The following MAP3K9 variants were observed in gnomAD, a reference collection of about 807,000 sequenced individuals.
MAP3K9 encodes the protein mitogen-activated protein kinase kinase kinase 9, also known as mixed lineage kinase 1 (tyr and ser/thr specificity).
In MAP3K9, 46 loss-of-function variants were observed where a neutral mutation model predicts 95.8. The ratio of observed to expected loss-of-function variants is 0.48; its 90% CI spans 0.38 to 0.61. The LOEUF is 0.61. Ranked by LOEUF, MAP3K9 falls within the 20% of genes least tolerant of loss-of-function variation. The probability of loss-of-function intolerance (pLI) is 0.00; values close to 1 mark genes in which losing one functional copy is unlikely to be tolerated. For synonymous variants in MAP3K9, 533 were observed against 593.8 expected, an observed-to-expected ratio of 0.90 and a Z score of 1.49; for missense variants, 1,296 against 1,474.3, an observed-to-expected ratio of 0.88 and a Z score of 1.98.
chr14:70,768,220 T>C (rs2054483500), intron 2 of MAP3K9, among the ~76,000 whole-genome samples: 1 of 152,148 alleles, frequency 6.6e-6, no homozygotes, highest in Admixed American at 6.5e-5. Flanking sequence ...ATGATGTGAT[T>C]ATTATGCATC....
Position 70,742,581 on chromosome 14 carries a change from G to A in MAP3K9, c.1337C>T (p.Thr446Ile), listed in dbSNP as rs754574540. Residue 446 changes from threonine to isoleucine, a missense_variant, in exon 6 of 12, where the codon ACC (threonine) becomes ATC (isoleucine). By Grantham distance (89) the Thr-to-Ile change is moderately conservative (BLOSUM62 -1). Around this residue, in one of 5 missense-constraint regions of MAP3K9, gnomAD observed 377 missense variants for 417.1 expected, o/e 0.90. Transcript: ENST00000554752. ...QLRAKEKELR[T>I]WEEELTRAAL... ...AGCCCGCGTCAGCTCCTCCTCCCAG[G>A]TGCGAAGTTCCTGCAGGATGGGCAG... 7.4e-6 allele frequency: 12 copies of A among 1,613,856 alleles called. No individual in the cohort carries two copies. The highest frequency in any genetic ancestry group is 9.3e-6 in the Non-Finnish European group (11 of 1,179,944).
chr14:70,803,836 C>T (rs142405274), intron 1 of MAP3K9, among the ~76,000 whole-genome samples: 1 of 152,352 alleles, frequency 6.6e-6, no homozygotes. Context: ...CCTTCTAGCA[C>T]AAATTTCAGT....
intron 5 of MAP3K9, 53 bp downstream of exon 5, chr14:70,748,776 C>T: frequency 6.8e-7 from 1 of 1,466,472 alleles, no homozygotes; most frequent in Non-Finnish European, 9.3e-7. Flanking sequence ...CAATTCAATG[C>T]ATGCCTTTTT....
At chr14:70,793,609 A>G (rs1482397201) in intron 2 of MAP3K9, among the ~76,000 whole-genome samples, 5 of 152,220 alleles carry the variant, frequency 3.3e-5, no homozygotes, top group Non-Finnish European at 7.3e-5. Flanking sequence ...GAAAGGGAAC[A>G]TTTACATTTT....
At chr14:70,808,589 G>C (rs1323165966) in intron 1 of MAP3K9, among the ~76,000 whole-genome samples, 177 bp downstream of exon 1, 1 of 152,114 alleles carries the variant, frequency 6.6e-6, no homozygotes, top group Non-Finnish European at 1.5e-5. Context: ...GAGGCGTCTC[G>C]AGCTTATCCA....
chr14:70,796,259 C>G (rs2054863167), intron 2 of MAP3K9, among the ~76,000 whole-genome samples: 1 of 152,182 alleles, frequency 6.6e-6, no homozygotes, highest in African/African-American at 2.4e-5. Context: ...ACACATAAAT[C>G]CATTTTTATA....
At chr14:70,764,192 C>CAAAAAAAAAAACAAAAA (rs536588181) in intron 2 of MAP3K9, among the ~76,000 whole-genome samples, 1 of 29,856 alleles carries the variant, frequency 3.3e-5, no homozygotes, top group Non-Finnish European at 6.2e-5. Context: ...GACTCCGTCT[C>CAAAAAAAAAAACAAAAA]AAAAAAAAAA....
At chr14:70,751,433 A>T (rs1219852541) in intron 3 of MAP3K9, among the ~76,000 whole-genome samples, 3 of 152,238 alleles carry the variant, frequency 2.0e-5, no homozygotes, top group Non-Finnish European at 2.9e-5. Flanking sequence ...TAGGCCAGGC[A>T]TGGTGGCTCA....
At chr14:70,786,244 A>C (rs921862610) in intron 2 of MAP3K9, among the ~76,000 whole-genome samples, 20 of 152,094 alleles carry the variant, frequency 1.3e-4, no homozygotes, top group Non-Finnish European at 2.4e-4. Flanking sequence ...ATACTTAGTA[A>C]GGGTAGGTCT....
Position 70,751,027 on chromosome 14 carries a change from C to T in MAP3K9, c.1002-946G>A, listed in dbSNP as rs138908896. ...ACTAGGTTGAATAGATTTCTGCCCC[C>T]AGATCAGCGTGAGTGGGTTCTTAAC... On this transcript the variant is annotated intron_variant, in intron 3 of 11. Transcript: ENST00000554752. Among the ~76,000 whole-genome samples, 3 of 145,044 alleles carry T rather than the reference C, an allele frequency of 2.1e-5. No individual in the cohort carries two copies. The East Asian group carries it at 6.0e-4, about 29-fold the overall frequency.
At chr14:70,739,673 A>G (rs1322297440) in intron 7 of MAP3K9, among the ~76,000 whole-genome samples, 2 of 152,208 alleles carry the variant, frequency 1.3e-5, no homozygotes, top group East Asian at 3.8e-4. Context: ...AGTGTGGACT[A>G]AAGAAAAACA....
In MAP3K9 at chr14:70,724,108, G is replaced by A. The variant is rs930534905; in HGVS notation, c.*6272C>T. On this transcript the variant is annotated 3_prime_UTR_variant, in exon 12 of 12. Transcript: ENST00000554752. The stretch of plus-strand genomic sequence containing the variant: ...AGTCCCTTCTGAAATCTGGACGAGA[G>A]AATGAATGAAGTTCATTCACTTCTG... 2 of 152,206 alleles carry A rather than the reference G, an allele frequency of 1.3e-5. No homozygotes were observed. The highest frequency in any genetic ancestry group is 2.9e-5 in the Non-Finnish European group (2 of 68,042). 9.4% of individuals were successfully genotyped at this position (152,206 alleles called of 1,614,324 possible).
intron 2 of MAP3K9, among the ~76,000 whole-genome samples, chr14:70,786,773 C>CCTTACA (rs1594805805): frequency 1.3e-5 from 2 of 152,346 alleles, no homozygotes; most frequent in East Asian, 3.9e-4. Flanking sequence ...TTCCAGTAAG[C>CCTTACA]TCTAATCATA....
rs1458928860 is a variant in MAP3K9 at position 70,809,200 on chromosome 14, C to CGCCGCCGCCCGCAGGA, written c.-45_-30dup. 7.8e-7 allele frequency: 1 copy of CGCCGCCGCCCGCAGGA among 1,285,270 alleles called. No individual in the cohort carries two copies. Among genetic ancestry groups the CGCCGCCGCCCGCAGGA allele is most frequent in the Non-Finnish European group, 9.8e-7 (1 of 1,022,090 alleles). The allele number at this position is 1,285,270 out of a possible 1,614,324, so 79.6% of individuals were successfully genotyped here. On this transcript the variant is annotated 5_prime_UTR_variant, in exon 1 of 12. Transcript: ENST00000554752. Reference sequence around the variant, plus strand: ...GCGGCCGATCCATAGGGTGCGGGGCCGCCGCCGCCCGCAGGAGCCGCCGCC... The same window carrying CGCCGCCGCCCGCAGGA: ...GCGGCCGATCCATAGGGTGCGGGGCCGCCGCCGCCCGCAGGAGCCGCCGCCCGCAGGAGCCGCCGCC...
chr14:70,755,957 G>C (rs1042583291), intron 3 of MAP3K9, among the ~76,000 whole-genome samples: 1 of 152,224 alleles, frequency 6.6e-6, no homozygotes, highest in African/African-American at 2.4e-5. Flanking sequence ...TTACCTCCAA[G>C]TGATTTCCTC....
At position 70,732,556 on chromosome 14, in the gene MAP3K9, C is replaced by T; in HGVS notation, c.2813G>A (p.Ser938Asn). The change falls in exon 11 of 12, where the codon AGC (serine) becomes AAC (asparagine). Residue 938 changes from serine (S) to asparagine (N), a missense_variant. Physicochemically the swap from Ser to Asn is conservative, Grantham distance 46. Around this residue, in one of 5 missense-constraint regions of MAP3K9, gnomAD observed 433 missense variants for 441.4 expected, o/e 0.98. Transcript: ENST00000554752. ...ASRSPSSNGL[S>N]PSPGAGMLKT... is the part of the protein sequence containing the mutation. Reference sequence around the variant, plus strand: ...AGACTCACCTGCTCCAGGACTGGGGCTCAACCCATTGCTGGAGGGGCTCCT... The same window carrying T: ...AGACTCACCTGCTCCAGGACTGGGGTTCAACCCATTGCTGGAGGGGCTCCT... The T allele has an allele frequency of 1.3e-6, 2 of 1,588,854 alleles. No homozygotes were observed. The highest frequency in any genetic ancestry group is 2.3e-5 in the South Asian group (2 of 87,278).
intron 2 of MAP3K9, among the ~76,000 whole-genome samples, chr14:70,797,853 C>G (rs1422512164): frequency 6.6e-6 from 1 of 152,154 alleles, no homozygotes; most frequent in Non-Finnish European, 1.5e-5. Context: ...AACATCCACC[C>G]ACAGACAAAC....
At chr14:70,797,332 CT>C (rs1322649497) in intron 2 of MAP3K9, among the ~76,000 whole-genome samples, 1 of 152,050 alleles carries the variant, frequency 6.6e-6, no homozygotes, top group Non-Finnish European at 1.5e-5. Flanking sequence ...GGCTCCCAAG[CT>C]GGAGGCAATG....
At position 70,732,687 on chromosome 14, in the gene MAP3K9, T is replaced by C. The variant is rs770239268; in HGVS notation, c.2682A>G (p.Gln894=). The part of the protein sequence containing the change: ...RVERFKRDPN[Q]SLTPTHVTLT... ...GGGTGACATGGGTGGGAGTCAGAGA[T>C]TGGTTAGGATCTCGTTTGAAGCGCT... The change falls in exon 11 of 12, where the codon CAA becomes CAG. Residue 894 remains glutamine (Q), a synonymous_variant. Coordinates refer to ENST00000554752, the MANE Select transcript of MAP3K9 (RefSeq NM_001284230.2). 4 of 1,600,896 alleles carry C rather than the reference T, an allele frequency of 2.5e-6. No individual in the cohort carries two copies. The highest frequency in any genetic ancestry group is 1.1e-5 in the South Asian group (1 of 89,334).
Sources: allele counts gnomAD v4.1 joint callset (sites outside exome capture counted in the v4.1 genomes callset), GRCh38; gene constraint gnomAD v4.1.1; regional missense constraint gnomAD v4.1.1; transcripts MANE v1.5; gene names NCBI Gene and HGNC (gene_info 2026-07-23, HGNC 2026-07-21).